Variants in C1QTNF3 observed in about 807,000 individuals in gnomAD.
C1QTNF3 encodes C1q and TNF related 3.
In C1QTNF3, 26 loss-of-function variants were observed where a neutral mutation model predicts 32.6. The ratio of observed to expected loss-of-function variants is 0.80; its 90% CI spans 0.58 to 1.11. The LOEUF is 1.11. Ranked by LOEUF, C1QTNF3 falls within the 50% of genes least tolerant of loss-of-function variation. C1QTNF3 has a pLI of 0.00. For missense variants in C1QTNF3, 362 were observed against 398.2 expected (o/e 0.91, Z 0.77); for synonymous variants, 155 against 146.0 (o/e 1.06, Z -0.44).
At chr5:34,105,531 T>C in the C1QTNF3 span, among the ~76,000 whole-genome samples, 4 of 151,970 alleles carry the variant, frequency 2.6e-5, no homozygotes, top group Non-Finnish European at 5.9e-5. Flanking sequence ...CACAAGAAAG[T>C]AAATGTCTTA....
chr5:34,098,579 G>T, the C1QTNF3 span, among the ~76,000 whole-genome samples: 2 of 150,814 alleles, frequency 1.3e-5, no homozygotes, highest in African/African-American at 4.9e-5. Context: ...AAGGAGGTAG[G>T]TACAAAGCCA....
At chr5:34,156,930 T>C in the C1QTNF3 span, among the ~76,000 whole-genome samples, 2 of 152,242 alleles carry the variant, frequency 1.3e-5, no homozygotes. Context: ...TTGTTCCTAG[T>C]CACAATTTCA....
the C1QTNF3 span, among the ~76,000 whole-genome samples, chr5:34,144,108 AG>A: frequency 3.9e-5 from 6 of 152,344 alleles, no homozygotes; most frequent in African/African-American, 1.4e-4. Context: ...ACAAAAAAAA[AG>A]AGCAAGAATC....
rs1480892530 is a variant in C1QTNF3 at position 34,019,684 on chromosome 5, A to T, written c.*899T>A. On this transcript the variant is annotated 3_prime_UTR_variant, in exon 6 of 6. Transcript: ENST00000382065. ...ATGACTATTAAAGTTTATTAAACACAAGTTTAGAAAGTATCTTTAACAAAG... is the reference window on the plus strand; with the variant it reads ...ATGACTATTAAAGTTTATTAAACACTAGTTTAGAAAGTATCTTTAACAAAG... 6.6e-6 allele frequency: 1 copy of T among 152,178 alleles called. No homozygotes were observed. The highest frequency in any genetic ancestry group is 1.5e-5 in the Non-Finnish European group (1 of 68,034). The allele number at this position is 152,178 out of a possible 1,614,324, so 9.4% of individuals were successfully genotyped here.
At chr5:34,179,526 GA>G in the C1QTNF3 span, among the ~76,000 whole-genome samples, 1,606 of 149,694 alleles carry the variant, frequency 0.011, 1 homozygote, top group African/African-American at 0.038. Context: ...GAAAAGAAAA[GA>G]AAAAAAAAAA....
chr5:34,162,222 G>A, the C1QTNF3 span, among the ~76,000 whole-genome samples: 2 of 152,158 alleles, frequency 1.3e-5, no homozygotes, highest in African/African-American at 4.8e-5. Context: ...GCAATGGCAG[G>A]TGAGTGCCTA....
the C1QTNF3 span, among the ~76,000 whole-genome samples, chr5:34,178,346 C>T: frequency 1.3e-5 from 2 of 152,106 alleles, no homozygotes; most frequent in Non-Finnish European, 1.5e-5. Context: ...TATCCACAAA[C>T]CATTTCCCCT....
At chr5:34,220,121 G>A in the C1QTNF3 span, among the ~76,000 whole-genome samples, 1 of 152,104 alleles carries the variant, frequency 6.6e-6, no homozygotes, top group Non-Finnish European at 1.5e-5. Flanking sequence ...GTAGTCCTAC[G>A]GTTAACAAGA....
chr5:34,244,456 C>T, the C1QTNF3 span, among the ~76,000 whole-genome samples: 1 of 152,200 alleles, frequency 6.6e-6, no homozygotes, highest in South Asian at 2.1e-4. Flanking sequence ...TATCTCACCC[C>T]ACCCACATCC....
the C1QTNF3 span, among the ~76,000 whole-genome samples, chr5:34,082,868 A>G: frequency 6.6e-6 from 1 of 151,814 alleles, no homozygotes; most frequent in Non-Finnish European, 1.5e-5. Flanking sequence ...TTATGTGTAT[A>G]TGAATACATA....
chr5:34,146,711 T>A, the C1QTNF3 span, among the ~76,000 whole-genome samples: 2 of 152,172 alleles, frequency 1.3e-5, no homozygotes, highest in Admixed American at 6.5e-5. Flanking sequence ...ACTAAAATCC[T>A]AGAAGAAAAC....
chr5:34,165,003 T>A, the C1QTNF3 span: 1 of 151,998 alleles, frequency 6.6e-6, no homozygotes, highest in East Asian at 1.9e-4. Flanking sequence ...ACACCCACCC[T>A]CAATGCGGGT....
chr5:34,040,931 T>C (rs971098924), intron 1 of C1QTNF3, among the ~76,000 whole-genome samples: 4 of 152,196 alleles, frequency 2.6e-5, no homozygotes, highest in Admixed American at 2.6e-4. Context: ...ATGTACTGAC[T>C]TTATTTAACA....
At chr5:34,196,818 C>G in the C1QTNF3 span, among the ~76,000 whole-genome samples, 1 of 151,786 alleles carries the variant, frequency 6.6e-6, no homozygotes, top group Non-Finnish European at 1.5e-5. Context: ...CGCCACCACG[C>G]CCGGCTAATT....
At chr5:34,038,381 C>G (rs1754790515) in intron 1 of C1QTNF3, among the ~76,000 whole-genome samples, 1 of 152,002 alleles carries the variant, frequency 6.6e-6, no homozygotes, top group Non-Finnish European at 1.5e-5. Context: ...TCCTTCTGAA[C>G]TTAGGTGTTT....
chr5:34,177,383 G>A, the C1QTNF3 span, among the ~76,000 whole-genome samples: 1 of 151,668 alleles, frequency 6.6e-6, no homozygotes, highest in African/African-American at 2.4e-5. Flanking sequence ...TGCAATTATG[G>A]CAGACTGACT....
the C1QTNF3 span, among the ~76,000 whole-genome samples, chr5:34,244,372 A>G: frequency 6.6e-6 from 1 of 152,300 alleles, no homozygotes; most frequent in African/African-American, 2.4e-5. Context: ...GAGCAAAAGA[A>G]CAAAGCCTCC....
the C1QTNF3 span, among the ~76,000 whole-genome samples, chr5:34,104,130 T>C: frequency 9.5e-6 from 1 of 104,732 alleles, no homozygotes; most frequent in Non-Finnish European, 1.9e-5. Flanking sequence ...TTCTACAAAA[T>C]ACCTAAGCAT....
chr5:34,208,434 G>A, the C1QTNF3 span, among the ~76,000 whole-genome samples: 2,200 of 151,696 alleles, frequency 0.015, 33 homozygotes, highest in South Asian at 0.034. Context: ...ACTGTAAGAT[G>A]ATTAGCAACA....
Sources: allele counts gnomAD v4.1 joint callset (sites outside exome capture counted in the v4.1 genomes callset), GRCh38; gene constraint gnomAD v4.1.1; transcripts MANE v1.5; gene names NCBI Gene and HGNC (gene_info 2026-07-23, HGNC 2026-07-21).